The following DLGAP2 variants were observed in gnomAD, a reference collection of about 807,000 sequenced individuals.
DLGAP2 encodes the protein DLG associated protein 2.
In DLGAP2, 26 loss-of-function variants were observed where a neutral mutation model predicts 100.3. The ratio of observed to expected loss-of-function variants is 0.26; its 90% confidence interval spans 0.19 to 0.36. The LOEUF (loss-of-function observed/expected upper bound fraction) is 0.36. Ranked by LOEUF, DLGAP2 falls within the 10% of genes least tolerant of loss-of-function variation. The probability of loss-of-function intolerance (pLI) is 1.00; values close to 1 mark genes in which losing one functional copy is unlikely to be tolerated. For synonymous variants in DLGAP2, 886 were observed against 630.1 expected (o/e 1.41, Z -6.08); for missense variants, 1,858 against 1,453.2 (o/e 1.28, Z -4.53).
In DLGAP2 at chr8:1,294,252, A is replaced by C. The variant is rs144991011; in HGVS notation, c.106+35369A>C. 3.2e-4 allele frequency among the ~76,000 whole-genome samples: 49 copies of C among 152,262 alleles called. 1 individual carries two copies. The East Asian group carries it at 9.3e-3, about 29-fold the overall frequency. ...GTTACAGGCCTTTCACAAGAATTTA[A>C]TTGTCTTGATCACATTATACTTGGG... is the stretch of plus-strand genomic sequence containing the variant. On this transcript the variant is annotated intron_variant, in intron 3 of 14. Transcript: ENST00000637795.
intron 6 of DLGAP2, among the ~76,000 whole-genome samples, chr8:1,578,829 C>T (rs1803103058): frequency 6.6e-6 from 1 of 152,164 alleles, no homozygotes; most frequent in Non-Finnish European, 1.5e-5. Flanking sequence ...CCCTGGTGTA[C>T]AGACCCTCGG....
intron 3 of DLGAP2, among the ~76,000 whole-genome samples, chr8:1,303,874 C>T (rs1800426365): frequency 1.3e-5 from 2 of 152,196 alleles, no homozygotes; most frequent in African/African-American, 4.8e-5. Flanking sequence ...TGCCTCTGGC[C>T]AGAGCCTGGG....
chr8:1,373,474 G>A (rs1199043274), intron 3 of DLGAP2, among the ~76,000 whole-genome samples: 3 of 152,184 alleles, frequency 2.0e-5, no homozygotes, highest in Non-Finnish European at 4.4e-5. Context: ...CCGAATCCGG[G>A]ATCAGGTTTG....
intron 2 of DLGAP2, among the ~76,000 whole-genome samples, chr8:1,023,801 T>C (rs931862972): frequency 4.0e-5 from 6 of 151,888 alleles, no homozygotes; most frequent in African/African-American, 1.5e-4. Flanking sequence ...TCTGTCTGTG[T>C]TGATATTTTC....
At chr8:1,051,298 C>G (rs558759267) in intron 2 of DLGAP2, among the ~76,000 whole-genome samples, 7 of 152,268 alleles carry the variant, frequency 4.6e-5, no homozygotes, top group South Asian at 4.1e-4. Flanking sequence ...TTCAGCAGCA[C>G]TCACCTGGGA....
At chr8:1,580,696 A>G (rs1803198936) in intron 6 of DLGAP2, among the ~76,000 whole-genome samples, 1 of 152,078 alleles carries the variant, frequency 6.6e-6, no homozygotes, top group East Asian at 1.9e-4. Context: ...ACCACAGTCG[A>G]ACTACCAGAA....
In DLGAP2 at chr8:1,265,904, G is replaced by A. The variant is rs550573041; in HGVS notation, c.106+7021G>A. 2.0e-3 allele frequency among the ~76,000 whole-genome samples: 305 copies of A among 152,286 alleles called. 1 individual carries two copies. The highest frequency in any genetic ancestry group is 7.1e-3 in the African/African-American group (294 of 41,554). On this transcript the variant is annotated intron_variant, in intron 3 of 14. Transcript: ENST00000637795. ...CTCATACAACACAAAGCACATGGTAGGATGACTCAGGTATTTTTATAGATA... is the reference window on the plus strand; with the variant it reads ...CTCATACAACACAAAGCACATGGTAAGATGACTCAGGTATTTTTATAGATA...
At chr8:1,506,110 G>A (rs955652206) in intron 4 of DLGAP2, among the ~76,000 whole-genome samples, 1 of 152,120 alleles carries the variant, frequency 6.6e-6, no homozygotes, top group Non-Finnish European at 1.5e-5. Context: ...TTATATAATA[G>A]AACATCAGCT....
intron 1 of DLGAP2, among the ~76,000 whole-genome samples, chr8:795,474 T>A (rs1256820148): frequency 6.6e-6 from 1 of 152,136 alleles, no homozygotes; most frequent in East Asian, 1.9e-4. Context: ...ACAAAAAGCA[T>A]GAAAATGCAC....
At chr8:938,975 A>C (rs942552598) in intron 2 of DLGAP2, among the ~76,000 whole-genome samples, 2 of 152,246 alleles carry the variant, frequency 1.3e-5, no homozygotes, top group African/African-American at 4.8e-5. Context: ...CTTTCTGTTC[A>C]GAAACCTCTG....
At chr8:953,225 C>T (rs575276884) in intron 2 of DLGAP2, among the ~76,000 whole-genome samples, 2 of 151,648 alleles carry the variant, frequency 1.3e-5, no homozygotes, top group East Asian at 3.9e-4. Context: ...GATGGAGTTT[C>T]GCTCCATTGC....
intron 2 of DLGAP2, among the ~76,000 whole-genome samples, chr8:1,189,366 T>C (rs2116724926): frequency 6.6e-6 from 1 of 152,348 alleles, no homozygotes; most frequent in South Asian, 2.1e-4. Flanking sequence ...TAGGTCAACC[T>C]GGTCCCTAAA....
intron 1 of DLGAP2, among the ~76,000 whole-genome samples, chr8:756,074 A>C (rs1820912144): frequency 6.6e-6 from 1 of 152,112 alleles, no homozygotes. Flanking sequence ...AGGGCCTTTT[A>C]GGTCATGTTA....
At chr8:1,673,229 T>C (rs1361165708) in intron 10 of DLGAP2, among the ~76,000 whole-genome samples, 1 of 152,214 alleles carries the variant, frequency 6.6e-6, no homozygotes, top group African/African-American at 2.4e-5. Flanking sequence ...CCCTCAGCCT[T>C]GCAGAGCACT....
chr8:1,335,028 G>A (rs1177294550), intron 3 of DLGAP2, among the ~76,000 whole-genome samples: 2 of 152,168 alleles, frequency 1.3e-5, no homozygotes, highest in East Asian at 1.9e-4. Context: ...TAAGTAAATC[G>A]TAGCTGTTGC....
At chr8:1,271,525 C>T (rs970176073) in intron 3 of DLGAP2, among the ~76,000 whole-genome samples, 17 of 152,104 alleles carry the variant, frequency 1.1e-4, no homozygotes, top group South Asian at 4.1e-4. Flanking sequence ...CAGGCACGAA[C>T]GAGATAGTTG....
chr8:1,115,155 T>A (rs1236298729), intron 2 of DLGAP2, among the ~76,000 whole-genome samples: 1 of 152,250 alleles, frequency 6.6e-6, no homozygotes, highest in Non-Finnish European at 1.5e-5. Flanking sequence ...ATAAGAAGAA[T>A]GTGCATTCTG....
At chr8:822,277 G>T in intron 1 of DLGAP2, 1 of 399,420 alleles carries the variant, frequency 2.5e-6, no homozygotes, top group Non-Finnish European at 4.4e-6. Flanking sequence ...TGCTGTGATG[G>T]GTGCTCCACC....
intron 2 of DLGAP2, among the ~76,000 whole-genome samples, chr8:950,622 C>CTTTTTTT (rs34631994): frequency 9.2e-5 from 12 of 130,478 alleles, no homozygotes; most frequent in Non-Finnish European, 1.8e-4. Flanking sequence ...TTTTCTTTTT[C>CTTTTTTT]TTTTTTTTTT....
Sources: allele counts gnomAD v4.1 joint callset (sites outside exome capture counted in the v4.1 genomes callset), GRCh38; gene constraint gnomAD v4.1.1; transcripts MANE v1.5; gene names NCBI Gene and HGNC (gene_info 2026-07-23, HGNC 2026-07-21).